DNAH12: variants seen among roughly 807,000 people sequenced by gnomAD.
The protein encoded by DNAH12 is dynein axonemal heavy chain 12.
A neutral mutation model predicts 371.5 loss-of-function variants in DNAH12; 285 were observed. The observed-to-expected ratio is 0.77, with a 90% confidence interval of 0.70 to 0.85. The LOEUF (loss-of-function observed/expected upper bound fraction) is 0.85. Ranked by LOEUF, DNAH12 falls within the 40% of genes least tolerant of loss-of-function variation. The pLI, the probability that DNAH12 is intolerant of heterozygous loss-of-function variation, is 0.00. For synonymous variants in DNAH12, 1,200 were observed against 1,213.0 expected (o/e 0.99, Z 0.22); for missense variants, 3,611 against 3,689.4 (o/e 0.98, Z 0.55).
intron 38 of DNAH12, among the ~76,000 whole-genome samples, chr3:57,415,125 G>A (rs1280442356): frequency 6.7e-6 from 1 of 150,292 alleles, no homozygotes; most frequent in African/African-American, 2.4e-5. Context: ...CACCCTATGT[G>A]TGTGTTTGTG....
upstream of DNAH12, among the ~76,000 whole-genome samples, chr3:57,545,572 T>C (rs2069512943): frequency 6.6e-6 from 1 of 151,922 alleles, no homozygotes; most frequent in Non-Finnish European, 1.5e-5. Context: ...CAGGCTGGAG[T>C]GCAGCGGCAC....
chr3:57,483,165 G>A (rs1575665737), intron 13 of DNAH12, among the ~76,000 whole-genome samples: 1 of 151,500 alleles, frequency 6.6e-6, no homozygotes, highest in Non-Finnish European at 1.5e-5. Flanking sequence ...ACCTCTAGAA[G>A]AGGACAGGGG....
chr3:57,311,189 C>T (rs62252047), intron 66 of DNAH12, among the ~76,000 whole-genome samples: 35,035 of 152,036 alleles, frequency 0.23, 4,330 homozygotes, highest in African/African-American at 0.28. Context: ...GATTCTCCTG[C>T]CTCAGCCTCC....
intron 25 of DNAH12, among the ~76,000 whole-genome samples, chr3:57,450,722 G>A (rs1419897805): frequency 6.6e-6 from 1 of 152,150 alleles, no homozygotes; most frequent in African/African-American, 2.4e-5. Flanking sequence ...CACTAGAGTA[G>A]AGAACAAGAC....
rs2067739774 is a variant in DNAH12, at chr3:57,505,878, G to A, written c.898-1674C>T. On this transcript the variant is annotated intron_variant, in intron 8 of 73. Transcript: ENST00000495027. Reference sequence around the variant, plus strand: ...TCCCACCTCAGCCTCCTGAGTAGCTGGGACAATAGGCATGAGCCACCATTC... The same window carrying A: ...TCCCACCTCAGCCTCCTGAGTAGCTAGGACAATAGGCATGAGCCACCATTC... 2.6e-5 allele frequency among the ~76,000 whole-genome samples: 4 copies of A among 152,100 alleles called. 1 individual carries two copies. Among genetic ancestry groups the A allele is most frequent in the Admixed American group, 2.6e-4 (4 of 15,262 alleles).
chr3:57,428,200 G>T (rs954468345), intron 34 of DNAH12: 1 of 431,016 alleles, frequency 2.3e-6, no homozygotes, highest in Non-Finnish European at 4.0e-6. Context: ...CAGTGTGCTG[G>T]GATTATAGGA....
chr3:57,487,381 A>G (rs13059757), intron 12 of DNAH12, among the ~76,000 whole-genome samples: 8 of 142,924 alleles, frequency 5.6e-5, no homozygotes, highest in African/African-American at 1.8e-4. Context: ...AAGAAAAAAA[A>G]AAAGAAAGAG....
In DNAH12 at chr3:57,402,393, C is replaced by G. The variant is rs199648010; in HGVS notation, c.6948+916G>C. ...AAGGACGAAGCCCCAAGTATGCACT[C>G]CACTATCCTGTTGGTCACCGGGACA... On this transcript the variant is annotated intron_variant, in intron 43 of 73. Transcript: ENST00000495027. 12 of 1,304,938 alleles carry G rather than the reference C, an allele frequency of 9.2e-6. No homozygotes were observed. The East Asian group carries it at 6.7e-4, about 72-fold the overall frequency. The allele number at this position is 1,304,938 out of a possible 1,614,324, so 80.8% of individuals were successfully genotyped here.
chr3:57,519,370 G>A (rs1481257527), intron 4 of DNAH12, among the ~76,000 whole-genome samples: 1 of 152,146 alleles, frequency 6.6e-6, no homozygotes, highest in Non-Finnish European at 1.5e-5. Context: ...AAATTATAAA[G>A]GTGATTCAGT....
intron 13 of DNAH12, among the ~76,000 whole-genome samples, chr3:57,478,515 G>A (rs1281739858): frequency 1.3e-5 from 2 of 152,168 alleles, no homozygotes; most frequent in African/African-American, 2.4e-5. Flanking sequence ...ATATTATCCA[G>A]GAGAACTTCC....
chr3:57,462,410 C>T (rs1414173640), intron 18 of DNAH12, among the ~76,000 whole-genome samples: 1 of 152,052 alleles, frequency 6.6e-6, no homozygotes, highest in Non-Finnish European at 1.5e-5. Context: ...CACTGACATG[C>T]CCAGCTAATT....
chr3:57,307,154 G>A (rs964981463), intron 69 of DNAH12, among the ~76,000 whole-genome samples: 2 of 152,114 alleles, frequency 1.3e-5, no homozygotes, highest in Non-Finnish European at 2.9e-5. Flanking sequence ...CCTGCCGATC[G>A]TGTCCGACTG....
chr3:57,320,483 G>T (rs1456602074), intron 65 of DNAH12, among the ~76,000 whole-genome samples: 1 of 152,148 alleles, frequency 6.6e-6, no homozygotes, highest in Non-Finnish European at 1.5e-5. Context: ...TGACTAAAAA[G>T]ATCTTATTTA....
At chr3:57,385,079 G>C (rs2063474913) in intron 48 of DNAH12, 74 bp from the exon 49 acceptor site, 3 of 152,124 alleles carry the variant, frequency 2.0e-5, no homozygotes, top group African/African-American at 7.2e-5. Context: ...AAGAATATTT[G>C]AAAATTAGGG....
chr3:57,362,061 T>C (rs920227033), intron 58 of DNAH12, among the ~76,000 whole-genome samples: 30 of 150,960 alleles, frequency 2.0e-4, no homozygotes, highest in African/African-American at 7.1e-4. Flanking sequence ...CCCCACCCTG[T>C]GTCCAAGTGT....
At chr3:57,427,725 G>A (rs1416651273) in intron 34 of DNAH12, among the ~76,000 whole-genome samples, 1 of 151,904 alleles carries the variant, frequency 6.6e-6, no homozygotes, top group African/African-American at 2.4e-5. Context: ...TAAAAAGAAG[G>A]CCATGTGAAG....
At chr3:57,479,205 A>C (rs1164909766) in intron 13 of DNAH12, among the ~76,000 whole-genome samples, 1 of 152,180 alleles carries the variant, frequency 6.6e-6, no homozygotes, top group African/African-American at 2.4e-5. Flanking sequence ...CACTAGGCTC[A>C]AAATAAAGGG....
chr3:57,550,950 C>T, the DNAH12 span, among the ~76,000 whole-genome samples: 10 of 150,026 alleles, frequency 6.7e-5, no homozygotes, highest in Non-Finnish European at 1.2e-4. Flanking sequence ...GCAATCTCGG[C>T]TCACTGCAAG....
chr3:57,310,903 G>A lies in DNAH12; in HGVS notation c.10710C>T (p.Tyr3570=), dbSNP rs1365956292. 6.4e-6 allele frequency: 10 copies of A among 1,551,340 alleles called. No homozygotes were observed. The highest frequency in any genetic ancestry group is 1.4e-5 in the African/African-American group (1 of 73,002). ...CTCCATAATTACACTCCCCAGTCAG[G>A]TAAGATATAGCTTCAAATGGAATTG... is the stretch of plus-strand genomic sequence containing the variant. ...YDTIPFEAIS[Y]LTGECNYGGR... Residue 3570 remains tyrosine (Y), a synonymous_variant, in exon 67 of 74, where the codon TAC becomes TAT. Transcript: ENST00000495027.
Sources: allele counts gnomAD v4.1 joint callset (sites outside exome capture counted in the v4.1 genomes callset), GRCh38; gene constraint gnomAD v4.1.1; transcripts MANE v1.5; gene names NCBI Gene and HGNC (gene_info 2026-07-23, HGNC 2026-07-21).